NLGN1: variants seen among roughly 807,000 people sequenced by gnomAD.
NLGN1 encodes the protein neuroligin-1.
Under a neutral mutation model 65.5 loss-of-function variants are expected in NLGN1, and 12 were observed. The ratio of observed to expected loss-of-function variants is 0.18; its 90% confidence interval spans 0.12 to 0.30. The LOEUF is 0.30. Ranked by LOEUF, NLGN1 falls within the 10% of genes least tolerant of loss-of-function variation. NLGN1 has a pLI of 1.00. For synonymous variants in NLGN1, 350 were observed against 359.5 expected (o/e 0.97, Z 0.30); for missense variants, 750 against 1,007.1 (o/e 0.74, Z 3.46).
chr3:173,722,030 A>G (rs1444771079), intron 3 of NLGN1, among the ~76,000 whole-genome samples: 2 of 152,032 alleles, frequency 1.3e-5, no homozygotes, highest in Non-Finnish European at 2.9e-5. Flanking sequence ...TGTCTGCTAC[A>G]AAATTGTAAG....
intron 2 of NLGN1, among the ~76,000 whole-genome samples, chr3:173,560,164 C>G (rs961048266): frequency 2.0e-5 from 3 of 152,024 alleles, no homozygotes; most frequent in African/African-American, 4.8e-5. Flanking sequence ...ATCTCCTGAC[C>G]TCGTGATCCG....
At chr3:173,432,565 A>C (rs571976238) in intron 1 of NLGN1, among the ~76,000 whole-genome samples, 1 of 152,246 alleles carries the variant, frequency 6.6e-6, no homozygotes, top group Admixed American at 6.5e-5. Flanking sequence ...CCAATTTTTT[A>C]ATCAGGTTAT....
intron 4 of NLGN1, among the ~76,000 whole-genome samples, chr3:173,888,997 G>A (rs2150965354): frequency 6.6e-6 from 1 of 152,174 alleles, no homozygotes; most frequent in East Asian, 1.9e-4. Flanking sequence ...TTTCAAACCA[G>A]CTATACAAGT....
chr3:174,201,426 C>A (rs60319095), intron 4 of NLGN1, among the ~76,000 whole-genome samples: 31,418 of 151,230 alleles, frequency 0.21, 3,738 homozygotes, highest in African/African-American at 0.31. Flanking sequence ...GAAATTGGGC[C>A]CTGTTTGCTC....
At chr3:174,138,397 T>A in intron 4 of NLGN1, among the ~76,000 whole-genome samples, 1 of 152,130 alleles carries the variant, frequency 6.6e-6, no homozygotes, top group Non-Finnish European at 1.5e-5. Flanking sequence ...TTTGTTATAA[T>A]TTACTCTACA....
chr3:173,583,388 A>G (rs1746704667), intron 2 of NLGN1, among the ~76,000 whole-genome samples: 1 of 152,240 alleles, frequency 6.6e-6, no homozygotes, highest in South Asian at 2.1e-4. Flanking sequence ...TAGTGTTAAT[A>G]GATAAATTAG....
intron 4 of NLGN1, among the ~76,000 whole-genome samples, chr3:173,869,644 C>T (rs1429338934): frequency 6.6e-6 from 1 of 152,070 alleles, no homozygotes; most frequent in East Asian, 1.9e-4. Context: ...AACCTCAGCA[C>T]ATCAATGTAA....
chr3:173,445,840 A>C (rs1720167807), intron 2 of NLGN1, among the ~76,000 whole-genome samples: 1 of 152,168 alleles, frequency 6.6e-6, no homozygotes, highest in African/African-American at 2.4e-5. Context: ...GACCAACCTC[A>C]GATAAGCCCT....
intron 2 of NLGN1, among the ~76,000 whole-genome samples, chr3:173,568,821 C>T (rs901922462): frequency 6.6e-6 from 1 of 152,140 alleles, no homozygotes; most frequent in African/African-American, 2.4e-5. Context: ...CTACAGACGC[C>T]TGCCACCATG....
chr3:173,560,104 T>C (rs879829718), intron 2 of NLGN1, among the ~76,000 whole-genome samples: 2 of 151,984 alleles, frequency 1.3e-5, no homozygotes, highest in Admixed American at 6.6e-5. Flanking sequence ...CCACCACGCC[T>C]GGCTAATTTT....
chr3:173,959,271 T>C (rs1043359229), intron 4 of NLGN1, among the ~76,000 whole-genome samples: 4 of 152,326 alleles, frequency 2.6e-5, no homozygotes, highest in South Asian at 2.1e-4. Context: ...CAACTGCTCC[T>C]TCCCACTGCA....
Position 173,517,998 on chromosome 3 carries a change from CAT to C in NLGN1, c.-321+82921_-321+82922del, listed in dbSNP as rs374933149. Reference sequence around the variant, plus strand: ...TCTCATACAACCATCCTTTTGTACACATGAGAAAAGCCTTTAAATGAGAAATT... The same window carrying C: ...TCTCATACAACCATCCTTTTGTACACGAGAAAAGCCTTTAAATGAGAAATT... On this transcript the variant is annotated intron_variant, in intron 2 of 6. Transcript: ENST00000457714. Among the ~76,000 whole-genome samples, 107 of 152,276 alleles carry C rather than the reference CAT, an allele frequency of 7.0e-4. 1 individual carries two copies. The East Asian group carries it at 0.02, about 28-fold the overall frequency.
At chr3:173,697,317 C>T (rs1766373809) in intron 3 of NLGN1, among the ~76,000 whole-genome samples, 1 of 152,088 alleles carries the variant, frequency 6.6e-6, no homozygotes, top group African/African-American at 2.4e-5. Context: ...TACATATTTT[C>T]CAAGCTGTGT....
At chr3:173,442,775 T>G (rs2148803183) in intron 2 of NLGN1, among the ~76,000 whole-genome samples, 1 of 152,244 alleles carries the variant, frequency 6.6e-6, no homozygotes. Flanking sequence ...GTTTCTGAAT[T>G]TAAGGATGTT....
intron 2 of NLGN1, among the ~76,000 whole-genome samples, chr3:173,575,752 A>C (rs1436007544): frequency 6.6e-6 from 1 of 152,092 alleles, no homozygotes; most frequent in Non-Finnish European, 1.5e-5. Context: ...CTCTTCTTTC[A>C]TGTTGTTTTT....
chr3:174,011,700 A>G (rs1013179909), intron 4 of NLGN1, among the ~76,000 whole-genome samples: 1 of 152,130 alleles, frequency 6.6e-6, no homozygotes, highest in African/African-American at 2.4e-5. Flanking sequence ...ATTCATCTGT[A>G]AAATGGAGAT....
chr3:173,829,459 G>A (rs1009436236), intron 4 of NLGN1, among the ~76,000 whole-genome samples: 1 of 150,818 alleles, frequency 6.6e-6, no homozygotes, highest in Admixed American at 6.7e-5. Context: ...GTGATGATTT[G>A]ACATGCATAT....
intron 4 of NLGN1, among the ~76,000 whole-genome samples, chr3:173,886,391 AAAG>A (rs1420072330): frequency 1.3e-5 from 2 of 152,076 alleles, no homozygotes; most frequent in Admixed American, 6.6e-5. Context: ...TAAGGTATAA[AAAG>A]AAGAAGAAGC....
chr3:174,182,129 G>A (rs1449453150), intron 4 of NLGN1, among the ~76,000 whole-genome samples: 1 of 151,830 alleles, frequency 6.6e-6, no homozygotes, highest in African/African-American at 2.4e-5. Context: ...TTAATTAGCA[G>A]AGCCTACCAA....
Sources: gnomAD v4.1 joint callset for allele counts (sites outside exome capture counted in the v4.1 genomes callset) on GRCh38, gnomAD v4.1.1 for gene constraint, MANE v1.5 for transcripts, NCBI Gene and HGNC (gene_info 2026-07-23, HGNC 2026-07-21) for gene names.